Variants in CWC27 observed in about 807,000 individuals in gnomAD.
The protein encoded by CWC27 is CWC27 spliceosome associated cyclophilin, also known as spliceosome-associated protein CWC27 homolog.
A neutral mutation model predicts 63.6 loss-of-function variants in CWC27; 47 were observed. The ratio of observed to expected loss-of-function variants is 0.74; its 90% CI spans 0.58 to 0.94. The LOEUF is 0.94. Ranked by LOEUF, CWC27 falls within the 40% of genes least tolerant of loss-of-function variation. The pLI, the probability that CWC27 is intolerant of heterozygous loss-of-function variation, is 0.00. For missense variants in CWC27, 495 were observed against 554.3 expected, an observed-to-expected ratio of 0.89 and a Z score of 1.07; for synonymous variants, 175 against 179.8, an observed-to-expected ratio of 0.97 and a Z score of 0.22.
chr5:64,878,470 TAAAAAAAAAAAAAA>T (rs397998002), intron 10 of CWC27, among the ~76,000 whole-genome samples: 2,066 of 27,130 alleles, frequency 0.076, 111 homozygotes, highest in Admixed American at 0.27. Context: ...GGTTACAGAT[TAAAAAAAAAAAAAA>T]AAAAAAAAAA....
At chr5:64,836,196 A>G (rs7723701) in intron 10 of CWC27, among the ~76,000 whole-genome samples, 53,382 of 151,590 alleles carry the variant, frequency 0.35, 9,837 homozygotes, top group East Asian at 0.51. Flanking sequence ...ATAGTTTACA[A>G]TTAAATTTAA....
In CWC27 at chr5:65,018,297, G is replaced by A. The variant is rs1176419157; in HGVS notation, c.1395G>A (p.Met465Ile). The A allele has an allele frequency of 6.3e-7, 1 of 1,594,848 alleles. No individual in the cohort carries two copies. Among genetic ancestry groups the A allele is most frequent in the African/African-American group, 1.4e-5 (1 of 73,312 alleles). ...GGAGGGAAGAAAGCAAAAAGCTGAT[G>A]AGAGAGAAAAAAGAAAGAAGATAAA... ...KRRREESKKL[M>I]REKKERR Residue 465 changes from methionine (M) to isoleucine (I), a missense_variant, in exon 14 of 14, where the codon ATG becomes ATA. Coordinates refer to ENST00000381070, the MANE Select transcript of CWC27 (RefSeq NM_005869.4).
chr5:64,846,878 CA>C (rs1745992971), intron 10 of CWC27, among the ~76,000 whole-genome samples: 1 of 151,122 alleles, frequency 6.6e-6, no homozygotes, highest in African/African-American at 2.4e-5. Context: ...CCTGTAATCC[CA>C]GCTACTCGGT....
At chr5:64,786,164 C>CAAAAAAAAA (rs1209111233) in intron 5 of CWC27, among the ~76,000 whole-genome samples, 1 of 64,280 alleles carries the variant, frequency 1.6e-5, no homozygotes, top group Non-Finnish European at 3.3e-5. Context: ...GACTCCATCT[C>CAAAAAAAAA]AAAAAAAAAA....
chr5:64,786,449 G>T (rs1162057448), intron 5 of CWC27, 75 bp from the exon 6 acceptor site: 1 of 823,448 alleles, frequency 1.2e-6, no homozygotes, highest in Non-Finnish European at 1.9e-6. Flanking sequence ...TATACCACTG[G>T]AATTACATAC....
At chr5:64,784,843 C>T (rs990835649) in intron 4 of CWC27, among the ~76,000 whole-genome samples, 5 of 152,196 alleles carry the variant, frequency 3.3e-5, no homozygotes, top group Non-Finnish European at 7.4e-5. Context: ...CACTCCAGCA[C>T]AGCCTGTCTG....
chr5:64,772,161 A>G (rs1743279753), intron 1 of CWC27, among the ~76,000 whole-genome samples: 1 of 152,228 alleles, frequency 6.6e-6, no homozygotes, highest in African/African-American at 2.4e-5. Context: ...TCCTGATTCC[A>G]GAGCCTGTGG....
chr5:65,003,860 T>C (rs1243108431), intron 13 of CWC27, among the ~76,000 whole-genome samples: 1 of 151,690 alleles, frequency 6.6e-6, no homozygotes, highest in Non-Finnish European at 1.5e-5. Context: ...TTTTTTTTTT[T>C]TGGAGACAGA....
At chr5:64,925,334 A>G (rs920361216) in intron 11 of CWC27, among the ~76,000 whole-genome samples, 2 of 152,128 alleles carry the variant, frequency 1.3e-5, no homozygotes, top group African/African-American at 2.4e-5. Flanking sequence ...ATCTTCACCC[A>G]AACCTCCACA....
chr5:64,899,866 C>T (rs1323020038), intron 11 of CWC27, among the ~76,000 whole-genome samples: 1 of 152,192 alleles, frequency 6.6e-6, no homozygotes, highest in African/African-American at 2.4e-5. Flanking sequence ...TCTTCTATCA[C>T]TATAAAATAG....
At chr5:64,991,652 G>T (rs1749539339) in intron 13 of CWC27, among the ~76,000 whole-genome samples, 2 of 152,228 alleles carry the variant, frequency 1.3e-5, no homozygotes, top group African/African-American at 4.8e-5. Context: ...CTTGAGCCCA[G>T]GAGTTTGAGG....
intron 11 of CWC27, among the ~76,000 whole-genome samples, chr5:64,954,649 A>ATT (rs1748771877): frequency 8.8e-6 from 1 of 114,148 alleles, no homozygotes; most frequent in Admixed American, 8.8e-5. Context: ...TATAGAAAGC[A>ATT]CTATATATAT....
intron 7 of CWC27, among the ~76,000 whole-genome samples, chr5:64,793,015 A>G (rs1321229384): frequency 2.6e-5 from 4 of 152,176 alleles, no homozygotes; most frequent in Non-Finnish European, 5.9e-5. Flanking sequence ...CTGGTATTTT[A>G]ATCTCAGATA....
chr5:64,806,578 A>G (rs1744680493), intron 10 of CWC27, among the ~76,000 whole-genome samples: 1 of 152,236 alleles, frequency 6.6e-6, no homozygotes, highest in Non-Finnish European at 1.5e-5. Context: ...AGGTCAGGAT[A>G]GAGGAGAAAG....
At chr5:64,974,742 A>G (rs1445898749) in intron 12 of CWC27, among the ~76,000 whole-genome samples, 1 of 152,182 alleles carries the variant, frequency 6.6e-6, no homozygotes, top group East Asian at 1.9e-4. Context: ...ATACACACAC[A>G]CATACTACCT....
chr5:64,791,459 T>G (rs1207716361), intron 7 of CWC27, among the ~76,000 whole-genome samples: 6 of 152,244 alleles, frequency 3.9e-5, no homozygotes, highest in Admixed American at 3.9e-4. Flanking sequence ...GCTGTCTTTT[T>G]TTTTTTCTTT....
chr5:64,948,003 C>T (rs1228350254), intron 11 of CWC27, among the ~76,000 whole-genome samples: 1 of 151,992 alleles, frequency 6.6e-6, no homozygotes, highest in African/African-American at 2.4e-5. Context: ...GCTAAGTGCT[C>T]AGGTATGCAC....
At chr5:64,860,995 T>C (rs1284406524) in intron 10 of CWC27, among the ~76,000 whole-genome samples, 1 of 152,178 alleles carries the variant, frequency 6.6e-6, no homozygotes, top group Non-Finnish European at 1.5e-5. Context: ...GTTCATAATG[T>C]TCTGCAATAT....
intron 10 of CWC27, among the ~76,000 whole-genome samples, chr5:64,879,538 G>A (rs915632964): frequency 3.9e-5 from 6 of 152,034 alleles, no homozygotes; most frequent in African/African-American, 1.4e-4. Context: ...AAGATCCTAA[G>A]TGTCCTAAGA....
Sources: allele counts gnomAD v4.1 joint callset (sites outside exome capture counted in the v4.1 genomes callset), GRCh38; gene constraint gnomAD v4.1.1; transcripts MANE v1.5; gene names NCBI Gene and HGNC (gene_info 2026-07-23, HGNC 2026-07-21).